The following CACNA1C variants were observed in gnomAD, a reference collection of about 807,000 sequenced individuals.
The protein encoded by CACNA1C is voltage-dependent L-type calcium channel subunit alpha-1C.
CACNA1C carries 30 observed loss-of-function variants against 229.0 expected under a neutral mutation model. That is an observed-to-expected ratio of 0.13 (90% CI 0.10 to 0.18). The LOEUF (loss-of-function observed/expected upper bound fraction) is 0.18, where lower values mean the gene tolerates loss of function less well. Ranked by LOEUF, CACNA1C falls within the 10% of genes least tolerant of loss-of-function variation. The probability of loss-of-function intolerance (pLI) is 1.00; values close to 1 mark genes in which losing one functional copy is unlikely to be tolerated. For synonymous variants in CACNA1C, 1,114 were observed against 1,132.5 expected (o/e 0.98, Z 0.33); for missense variants, 1,658 against 2,845.0 (o/e 0.58, Z 9.49).
chr12:2,636,230 C>T lies in CACNA1C; in HGVS notation c.3912+1850C>T, dbSNP rs371264642. ...GGCCGAGAGCCCCACAGCAGGAAAA[C>T]GCAGAAAGGTGACCGCAAGCTGCCC... On this transcript the variant is annotated intron_variant, in intron 30 of 46. Coordinates refer to ENST00000399655, the MANE Select transcript of CACNA1C (RefSeq NM_000719.7). Among the ~76,000 whole-genome samples, 13 of 152,332 alleles carry T rather than the reference C, an allele frequency of 8.5e-5. No homozygotes were observed. The South Asian group carries it at 2.5e-3, about 29-fold the overall frequency.
chr12:2,218,853 C>T (rs2060685179), intron 3 of CACNA1C, among the ~76,000 whole-genome samples: 1 of 152,148 alleles, frequency 6.6e-6, no homozygotes, highest in African/African-American at 2.4e-5. Flanking sequence ...CAGCTGCTGG[C>T]CAACGGTTGA....
chr12:2,650,835 GC>G (rs1233474677), intron 31 of CACNA1C, among the ~76,000 whole-genome samples: 1 of 152,114 alleles, frequency 6.6e-6, no homozygotes, highest in Admixed American at 6.5e-5. Context: ...ATCTGCAGAA[GC>G]CTCACTTGCA....
intron 3 of CACNA1C, among the ~76,000 whole-genome samples, chr12:2,209,983 G>T (rs567535134): frequency 1.3e-5 from 2 of 152,306 alleles, no homozygotes; most frequent in South Asian, 4.1e-4. Context: ...AGTAACACAT[G>T]CCAGAGAAGG....
At chr12:2,655,120 T>A (rs1448977869) in intron 33 of CACNA1C, 27 bp from the exon 34 acceptor site, 1 of 1,402,212 alleles carries the variant, frequency 7.1e-7, no homozygotes, top group East Asian at 2.3e-5. Flanking sequence ...CACAAATCAC[T>A]GAACACCTCT....
intron 10 of CACNA1C, among the ~76,000 whole-genome samples, chr12:2,553,732 G>A (rs1031987727): frequency 6.6e-6 from 1 of 152,236 alleles, no homozygotes; most frequent in Non-Finnish European, 1.5e-5. Context: ...TGCCATGACT[G>A]TAGTCAAGCC....
In CACNA1C at chr12:2,605,304, C is replaced by G; in HGVS notation, c.3048+136C>G. 1 of 647,666 alleles carries G rather than the reference C, an allele frequency of 1.5e-6. No homozygotes were observed. Among genetic ancestry groups the G allele is most frequent in the Non-Finnish European group, 2.8e-6 (1 of 358,844 alleles). The allele number at this position is 647,666 out of a possible 1,614,324, so 40.1% of individuals were successfully genotyped here. A position where few individuals can be genotyped will look rare whatever the true frequency, so the allele number is the denominator to read the frequency against. On this transcript the variant is annotated intron_variant, in intron 23 of 46. Transcript: ENST00000399655. The surrounding 1 kb of genome is among the most constrained non-coding windows in gnomAD (Gnocchi z 6.2). ...CATGTGGGGTCCCGGACACTGGTCCCACTGCATGTCCCGGTTCCGTAATGA... is the reference window on the plus strand; with the variant it reads ...CATGTGGGGTCCCGGACACTGGTCCGACTGCATGTCCCGGTTCCGTAATGA...
At chr12:2,328,853 G>A (rs2096437232) in intron 3 of CACNA1C, among the ~76,000 whole-genome samples, 1 of 152,146 alleles carries the variant, frequency 6.6e-6, no homozygotes, top group Non-Finnish European at 1.5e-5. Context: ...TGACAGTGTG[G>A]GTAGACAAGG....
At chr12:2,477,648 G>A (rs374234425) in intron 5 of CACNA1C, among the ~76,000 whole-genome samples, 5 of 152,284 alleles carry the variant, frequency 3.3e-5, no homozygotes, top group South Asian at 4.1e-4. Context: ...AGTAGGGTGA[G>A]GTCAGGTTCT....
Position 2,053,616 on chromosome 12 carries a change from G to C in CACNA1C, c.49+5G>C. 4 of 1,588,944 alleles carry C rather than the reference G, an allele frequency of 2.5e-6. No homozygotes were observed. The highest frequency in any genetic ancestry group is 3.4e-6 in the Non-Finnish European group (4 of 1,168,280). On this transcript the variant is annotated splice_donor_5th_base_variant and intron_variant, in intron 1 of 46. Transcript: ENST00000399655. The surrounding 1 kb of genome is among the most constrained non-coding windows in gnomAD (Gnocchi z 5.8). ...TTCCAGAGGAAAACCACCAAGGTAA[G>C]GCTGGACCCCGCCGCCTCGCCGGGG...
intron 3 of CACNA1C, among the ~76,000 whole-genome samples, chr12:2,438,886 G>T (rs1479262207): frequency 6.6e-6 from 1 of 152,080 alleles, no homozygotes; most frequent in African/African-American, 2.4e-5. Context: ...CCTGAAAGAA[G>T]GTGGGCAGTT....
intron 3 of CACNA1C, among the ~76,000 whole-genome samples, chr12:2,255,188 C>A (rs2076941067): frequency 6.6e-6 from 1 of 151,872 alleles, no homozygotes; most frequent in Admixed American, 6.6e-5. Flanking sequence ...GGATACAGAC[C>A]CGTGCTCCCT....
At position 2,007,677 on chromosome 12, in the gene CACNA1C, A is replaced by G. The variant is rs2429128; in HGVS notation, c.139+36476A>G. ...AGAAGAGTTAATTTTTTGTGTGTTT[A>G]GAGTTAATGAAACAACCCATCTTCT... On this transcript the variant is annotated intron_variant, in intron 1 of 46. Transcript: ENST00000682462. 5.5e-3 allele frequency among the ~76,000 whole-genome samples: 838 copies of G among 152,320 alleles called. 7 individuals carry two copies. Among genetic ancestry groups the G allele is most frequent in the African/African-American group, 0.019 (781 of 41,576 alleles).
chr12:2,426,251 A>G (rs16929388), intron 3 of CACNA1C, among the ~76,000 whole-genome samples: 14,042 of 152,226 alleles, frequency 0.092, 813 homozygotes, highest in African/African-American at 0.15. Flanking sequence ...TTTGCCGTGA[A>G]GGACTGGCAA....
intron 3 of CACNA1C, among the ~76,000 whole-genome samples, chr12:2,264,245 C>T (rs946305841): frequency 6.6e-6 from 1 of 152,182 alleles, no homozygotes; most frequent in Admixed American, 6.5e-5. Context: ...TGCAAGGGCT[C>T]CAGGGGGCTC....
intron 2 of CACNA1C, among the ~76,000 whole-genome samples, chr12:2,119,543 C>G (rs1237793596): frequency 6.6e-6 from 1 of 152,252 alleles, no homozygotes; most frequent in Non-Finnish European, 1.5e-5. Context: ...ATGGGAACCT[C>G]TGCCTGCACT....
intron 9 of CACNA1C, among the ~76,000 whole-genome samples, chr12:2,530,340 A>G (rs1383578036): frequency 6.6e-6 from 1 of 152,242 alleles, no homozygotes; most frequent in Non-Finnish European, 1.5e-5. Flanking sequence ...ATTGTTGCAT[A>G]TTGATAAATA....
rs916037960 is a variant in CACNA1C, at chr12:2,346,013, C to T, written c.478-102963C>T. ...CGCCCGGGCTTGGTCTGTGAAGGAA[C>T]GTGGGCCGTATGGCAGTGATGGGAG... On this transcript the variant is annotated intron_variant, in intron 3 of 46. Transcript: ENST00000399655. This position sits in a 1 kb window ranked among gnomAD's most constrained non-coding sequence, Gnocchi z 4.4. Among the ~76,000 whole-genome samples the T allele has an allele frequency of 2.6e-5, 4 of 152,144 alleles. No individual in the cohort carries two copies. Among genetic ancestry groups the T allele is most frequent in the East Asian group, 1.9e-4 (1 of 5,188 alleles).
rs551089480 is a variant in CACNA1C, at chr12:2,234,114, A to G, written c.477+113684A>G. On this transcript the variant is annotated intron_variant, in intron 3 of 46. Transcript: ENST00000399655. Reference sequence around the variant, plus strand: ...TTTCACGGCCCAGAAAGGTGTCTCCAGCAAGGAGTGTTCTGCTGGACGATG... The same window carrying G: ...TTTCACGGCCCAGAAAGGTGTCTCCGGCAAGGAGTGTTCTGCTGGACGATG... 3.9e-5 allele frequency among the ~76,000 whole-genome samples: 6 copies of G among 152,338 alleles called. No individual in the cohort carries two copies. In the East Asian group the frequency reaches 1.2e-3, roughly 29 times the overall value.
chr12:2,457,350 C>T (rs921403916), intron 4 of CACNA1C, among the ~76,000 whole-genome samples: 18 of 152,230 alleles, frequency 1.2e-4, no homozygotes, highest in African/African-American at 4.3e-4. Context: ...CTCAGGCCTC[C>T]CTGGGCCATG....
Sources: allele counts gnomAD v4.1 joint callset (sites outside exome capture counted in the v4.1 genomes callset), GRCh38; gene constraint gnomAD v4.1.1; non-coding constraint Gnocchi (gnomAD v3.1); transcripts MANE v1.5; gene names NCBI Gene and HGNC (gene_info 2026-07-23, HGNC 2026-07-21).